Variants in AKAP13 observed in about 807,000 individuals in gnomAD.
AKAP13 encodes A-kinase anchoring protein 13, also known as A-kinase anchor protein 13.
A neutral mutation model predicts 264.5 loss-of-function variants in AKAP13; 80 were observed. The observed-to-expected ratio is 0.30, with a 90% CI of 0.25 to 0.36. The LOEUF (loss-of-function observed/expected upper bound fraction) is 0.36. AKAP13 is among the 10% of genes least tolerant of loss of function. AKAP13 has a pLI of 1.00. For synonymous variants in AKAP13, 1,380 were observed against 1,250.2 expected (o/e 1.10, Z -2.19); for missense variants, 3,712 against 3,435.2 (o/e 1.08, Z -2.01).
At chr15:85,687,993 G>A (rs370489934) in intron 16 of AKAP13, among the ~76,000 whole-genome samples, 1 of 149,138 alleles carries the variant, frequency 6.7e-6, no homozygotes, top group East Asian at 2.0e-4. Context: ...TACGCTGTGT[G>A]CACTCCAGCC....
At chr15:85,499,640 G>C (rs924308312) in intron 2 of AKAP13, among the ~76,000 whole-genome samples, 1 of 151,688 alleles carries the variant, frequency 6.6e-6, no homozygotes, top group South Asian at 2.1e-4. Flanking sequence ...TCCTCTCTCT[G>C]AACTGCACCC....
At chr15:85,494,530 A>G (rs1483488451) in intron 2 of AKAP13, among the ~76,000 whole-genome samples, 1 of 152,192 alleles carries the variant, frequency 6.6e-6, no homozygotes, top group Admixed American at 6.5e-5. Flanking sequence ...CACCCAAGTG[A>G]ATGTCCCACA....
At position 85,444,878 on chromosome 15, in the gene AKAP13, A is replaced by G. The variant is rs138682925; in HGVS notation, c.-11-40832A>G. Reference sequence around the variant, plus strand: ...TTGGGTATTCTGTTACCACAAAAGGAGTTAACTCTTCATATGGTACAATCA... The same window carrying G: ...TTGGGTATTCTGTTACCACAAAAGGGGTTAACTCTTCATATGGTACAATCA... On this transcript the variant is annotated intron_variant, in intron 1 of 36. Transcript: ENST00000394518. Among the ~76,000 whole-genome samples the G allele has an allele frequency of 5.0e-3, 765 of 152,262 alleles. 15 individuals are homozygous for G. Among genetic ancestry groups the G allele is most frequent in the Admixed American group, 0.012 (180 of 15,290 alleles).
At chr15:85,688,738 C>A (rs1439841290) in intron 16 of AKAP13, among the ~76,000 whole-genome samples, 3 of 152,074 alleles carry the variant, frequency 2.0e-5, no homozygotes, top group Non-Finnish European at 4.4e-5. Flanking sequence ...GAAATTGAGT[C>A]CTTGATCCTA....
intron 1 of AKAP13, among the ~76,000 whole-genome samples, chr15:85,424,135 G>A (rs1238571550): frequency 6.6e-6 from 1 of 152,214 alleles, no homozygotes; most frequent in Non-Finnish European, 1.5e-5. Flanking sequence ...GTCATCAGCT[G>A]CATTAGCCCC....
At chr15:85,550,074 G>A (rs1424927145) in intron 5 of AKAP13, among the ~76,000 whole-genome samples, 2 of 152,042 alleles carry the variant, frequency 1.3e-5, no homozygotes, top group Non-Finnish European at 2.9e-5. Context: ...ACGCCACCAC[G>A]CCCGGCTTAT....
At chr15:85,386,679 G>A (rs1430260657) in intron 1 of AKAP13, among the ~76,000 whole-genome samples, 2 of 151,186 alleles carry the variant, frequency 1.3e-5, no homozygotes, top group Admixed American at 6.6e-5. Flanking sequence ...TATGCATTGA[G>A]TTTATTTTTT....
chr15:85,631,656 A>T (rs1285762578), intron 8 of AKAP13, among the ~76,000 whole-genome samples: 1 of 152,152 alleles, frequency 6.6e-6, no homozygotes. Flanking sequence ...CTTAATAGTA[A>T]TGTACCAGTG....
intron 5 of AKAP13, among the ~76,000 whole-genome samples, chr15:85,564,132 T>C (rs2078518339): frequency 6.6e-6 from 1 of 152,246 alleles, no homozygotes; most frequent in African/African-American, 2.4e-5. Context: ...GATACTCAAA[T>C]AATACTAGTT....
intron 8 of AKAP13, among the ~76,000 whole-genome samples, chr15:85,598,823 C>A (rs1240356060): frequency 1.3e-5 from 2 of 152,208 alleles, no homozygotes; most frequent in Non-Finnish European, 2.9e-5. Flanking sequence ...AGCATTGTAA[C>A]ATCAGGCATT....
intron 8 of AKAP13, among the ~76,000 whole-genome samples, chr15:85,620,668 CT>C (rs2081143701): frequency 6.6e-6 from 1 of 152,136 alleles, no homozygotes; most frequent in Non-Finnish European, 1.5e-5. Context: ...ACATTTATTT[CT>C]TTTGGAAGGA....
chr15:85,578,582 G>C (rs1331594405), intron 6 of AKAP13, among the ~76,000 whole-genome samples: 1 of 152,032 alleles, frequency 6.6e-6, no homozygotes, highest in African/African-American at 2.4e-5. Flanking sequence ...GACCTCAGGT[G>C]ATCTGCCTGC....
chr15:85,465,555 T>C lies in AKAP13; in HGVS notation c.-11-20155T>C, dbSNP rs573984783. On this transcript the variant is annotated intron_variant, in intron 1 of 36. Transcript: ENST00000394518. Reference sequence around the variant, plus strand: ...TGTGATGTTCCCCTTCCTGTGTCCATGTGTTCTCATTGTTCAGTTCCCACC... The same window carrying C: ...TGTGATGTTCCCCTTCCTGTGTCCACGTGTTCTCATTGTTCAGTTCCCACC... Among the ~76,000 whole-genome samples the C allele has an allele frequency of 2.9e-5, 4 of 137,070 alleles. No individual in the cohort carries two copies. In the East Asian group the frequency reaches 6.7e-4, roughly 23 times the overall value. The allele number at this position is 137,070 out of a possible 152,430, so 89.9% of individuals were successfully genotyped here.
intron 1 of AKAP13, among the ~76,000 whole-genome samples, chr15:85,412,467 C>T (rs925036461): frequency 9.9e-5 from 15 of 152,056 alleles, no homozygotes; most frequent in Admixed American, 5.9e-4. Context: ...AACAGTGCCA[C>T]GTTCTTATTT....
chr15:85,521,276 G>C, intron 2 of AKAP13, 152 bp from the exon 3 acceptor site: 1 of 848,166 alleles, frequency 1.2e-6, no homozygotes, highest in East Asian at 2.5e-5. Flanking sequence ...TGGTGTATAA[G>C]TGCTCAATCT....
intron 20 of AKAP13, 122 bp downstream of exon 20, chr15:85,716,045 G>A: frequency 7.8e-7 from 1 of 1,283,046 alleles, no homozygotes; most frequent in South Asian, 1.5e-5. Context: ...GTCATGGGTT[G>A]GTGCAGACAA....
intron 1 of AKAP13, among the ~76,000 whole-genome samples, chr15:85,407,340 G>GT (rs1195665099): frequency 8.6e-5 from 13 of 150,868 alleles, no homozygotes; most frequent in Admixed American, 8.6e-4. Context: ...AGATTCTCCT[G>GT]TTTCAGCTTC....
At chr15:85,552,553 C>A (rs112188944) in intron 5 of AKAP13, among the ~76,000 whole-genome samples, 1 of 151,750 alleles carries the variant, frequency 6.6e-6, no homozygotes, top group Non-Finnish European at 1.5e-5. Context: ...ATTTGAGGTA[C>A]CTGATATTTT....
At chr15:85,666,364 GA>G (rs2083599879) in intron 13 of AKAP13, among the ~76,000 whole-genome samples, 1 of 151,784 alleles carries the variant, frequency 6.6e-6, no homozygotes, top group Admixed American at 6.6e-5. Context: ...CCCACTTTTT[GA>G]TGGAGTTTTT....
Sources: gnomAD v4.1 joint callset for allele counts (sites outside exome capture counted in the v4.1 genomes callset) on GRCh38, gnomAD v4.1.1 for gene constraint, MANE v1.5 for transcripts, NCBI Gene and HGNC (gene_info 2026-07-23, HGNC 2026-07-21) for gene names.